FKBP15: variants seen among roughly 807,000 people sequenced by gnomAD.
FKBP15 encodes the protein FK506-binding protein 15.
FKBP15 carries 106 observed loss-of-function variants against 158.1 expected under a neutral mutation model. The observed-to-expected ratio is 0.67, with a 90% CI of 0.57 to 0.79. The LOEUF is 0.79. Among genes scored for constraint, FKBP15 ranks in the 30% least tolerant of loss-of-function variants. FKBP15 has a pLI of 0.00. For synonymous variants in FKBP15, 547 were observed against 548.6 expected (o/e 1.00, Z 0.04); for missense variants, 1,287 against 1,479.1 (o/e 0.87, Z 2.13).
At chr9:113,213,261 T>C (rs1831050456) in intron 1 of FKBP15, among the ~76,000 whole-genome samples, 1 of 151,920 alleles carries the variant, frequency 6.6e-6, no homozygotes, top group African/African-American at 2.4e-5. Flanking sequence ...GTACAAAAAT[T>C]AGCCGGGCGT....
intron 22 of FKBP15, 113 bp from the exon 23 acceptor site, chr9:113,173,718 T>C (rs968732649): frequency 2.6e-4 from 273 of 1,069,420 alleles, no homozygotes; most frequent in Middle Eastern, 1.3e-3. Context: ...ACAGCCCAGA[T>C]TTAACTGGGA....
chr9:113,215,776 A>G lies in FKBP15; in HGVS notation c.54-4184T>C, dbSNP rs140078134. Among the ~76,000 whole-genome samples the G allele has an allele frequency of 3.6e-3, 537 of 149,724 alleles. 7 individuals carry two copies. The highest frequency in any genetic ancestry group is 0.013 in the African/African-American group (512 of 40,560). On this transcript the variant is annotated intron_variant, in intron 1 of 27. Coordinates refer to ENST00000238256, the MANE Select transcript of FKBP15 (RefSeq NM_015258.2). Reference sequence around the variant, plus strand: ...GCGATTCACATGCCTCAGCCTCCCAAATTGCTAGGATTACAGGCGTGCATC... The same window carrying G: ...GCGATTCACATGCCTCAGCCTCCCAGATTGCTAGGATTACAGGCGTGCATC...
intron 20 of FKBP15, among the ~76,000 whole-genome samples, 198 bp downstream of exon 20, chr9:113,178,432 T>G (rs956894904): frequency 1.3e-5 from 2 of 152,194 alleles, no homozygotes; most frequent in Non-Finnish European, 2.9e-5. Flanking sequence ...CACTGATCAA[T>G]TCCACATGAA....
At chr9:113,203,092 G>GGCAATATAAAATCA (rs111549671) in intron 4 of FKBP15, 57 bp from the exon 5 acceptor site, 1 of 1,203,050 alleles carries the variant, frequency 8.3e-7, no homozygotes, top group East Asian at 2.4e-5. Flanking sequence ...GAAGTTAAAA[G>GGCAATATAAAATCA]GCAATATAAA....
chr9:113,206,661 G>A (rs1160697140), intron 3 of FKBP15, 83 bp from the exon 4 acceptor site: 1 of 728,014 alleles, frequency 1.4e-6, no homozygotes, highest in East Asian at 2.5e-5. Context: ...TACAGAAGTG[G>A]GAACAACAGT....
At chr9:113,169,194 G>A (rs1331277891) in intron 26 of FKBP15, 30 bp downstream of exon 26, 1 of 1,588,416 alleles carries the variant, frequency 6.3e-7, no homozygotes, top group Admixed American at 1.7e-5. Flanking sequence ...TAACTACCCT[G>A]TCCCTGAAGC....
At position 113,215,372 on chromosome 9, in the gene FKBP15, A is replaced by T. The variant is rs531769335; in HGVS notation, c.54-3780T>A. Among the ~76,000 whole-genome samples the T allele has an allele frequency of 1.4e-4, 14 of 99,858 alleles. 1 individual carries two copies. The East Asian group carries it at 2.3e-3, about 16-fold the overall frequency. The allele number at this position is 99,858 out of a possible 152,430, so 65.5% of individuals were successfully genotyped here. On this transcript the variant is annotated intron_variant, in intron 1 of 27. Coordinates refer to ENST00000238256, the MANE Select transcript of FKBP15 (RefSeq NM_015258.2). ...AGTATAGGTAGGCTCAAGAAGAGAT[A>T]AAAAAAAAAAAAATAGAGAACTGCC...
chr9:113,183,843 T>C lies in FKBP15; in HGVS notation c.1719A>G (p.Glu573=). The change falls in exon 18 of 28, where the codon GAA becomes GAG. Residue 573 remains glutamate (E), a splice_region_variant and synonymous_variant. Coordinates refer to ENST00000238256, the MANE Select transcript of FKBP15 (RefSeq NM_015258.2). ...IMSNIQRIIQ[E]NERLKQEILE... ...GGATCTCTTGCTTCAATCTTTCATT[T>C]TCCTAATTTCAAAATATATGATGTA... 1 of 1,609,842 alleles carries C rather than the reference T, an allele frequency of 6.2e-7. No individual in the cohort carries two copies. Among genetic ancestry groups the C allele is most frequent in the Non-Finnish European group, 8.5e-7 (1 of 1,176,524 alleles).
chr9:113,220,778 C>T (rs1258021203), intron 1 of FKBP15, among the ~76,000 whole-genome samples: 1 of 152,176 alleles, frequency 6.6e-6, no homozygotes, highest in African/African-American at 2.4e-5. Flanking sequence ...CCGAGCTGGG[C>T]CTTGAAGAAT....
At position 113,166,131 on chromosome 9, in the gene FKBP15, T is replaced by G. The variant is rs531828583; in HGVS notation, c.3607A>C (p.Thr1203Pro). 1.2e-6 allele frequency: 2 copies of G among 1,613,346 alleles called. No homozygotes were observed. The highest frequency in any genetic ancestry group is 2.7e-5 in the African/African-American group (2 of 74,880). The change falls in exon 28 of 28, where the codon ACG becomes CCG. Residue 1203 changes from threonine (T) to proline (P), a missense_variant. Coordinates refer to ENST00000238256, the MANE Select transcript of FKBP15 (RefSeq NM_015258.2). ...TCATCATCATCTCCAAAAAGGGGCG[T>G]TGGGGGCGGGCGTCCCTTCATGCTC... ...EVSMKGRPPP[T>P]PLFGDDDDDD... is the part of the protein sequence containing the mutation.
chr9:113,188,034 G>T (rs945421571), intron 13 of FKBP15, 135 bp from the exon 14 acceptor site: 1 of 692,044 alleles, frequency 1.4e-6, no homozygotes, highest in Non-Finnish European at 2.5e-6. Context: ...CAGCTCTACT[G>T]CAATCTCAGG....
rs1164710751 is a variant in FKBP15, at chr9:113,175,064, G to GA, written c.2224-482dup. ...GGCGACAGAGCGAGACTCCGCCTCA[G>GA]AAAAAAAAAAAAAAAAAAAAAAAAA... On this transcript the variant is annotated intron_variant, in intron 21 of 27. Coordinates refer to ENST00000238256, the MANE Select transcript of FKBP15 (RefSeq NM_015258.2). Among the ~76,000 whole-genome samples, 8 of 1,732 alleles carry GA rather than the reference G, an allele frequency of 4.6e-3. 3 individuals are homozygous for GA. The highest frequency in any genetic ancestry group is 0.077 in the East Asian group (2 of 26). 1.1% of individuals were successfully genotyped at this position (1,732 alleles called of 152,430 possible).
Position 113,202,893 on chromosome 9 carries a change from A to T in FKBP15, c.399+68T>A, listed in dbSNP as rs190089606. 2.4e-5 allele frequency: 30 copies of T among 1,267,456 alleles called. No homozygotes were observed. The Admixed American group carries it at 5.6e-4, about 24-fold the overall frequency. 78.5% of individuals were successfully genotyped at this position (1,267,456 alleles called of 1,614,324 possible). A position where few individuals can be genotyped will look rare whatever the true frequency, so the allele number is the denominator to read the frequency against. ...AGTGGATCTAATTTCTATTAGGTAC[A>T]ATCAGACCAGTCTCTCCTGTAAACC... On this transcript the variant is annotated intron_variant, in intron 5 of 27. Transcript: ENST00000238256.
intron 27 of FKBP15, among the ~76,000 whole-genome samples, chr9:113,167,562 A>G (rs926169437): frequency 6.6e-6 from 1 of 152,210 alleles, no homozygotes; most frequent in South Asian, 2.1e-4. Context: ...GCTCCGATAC[A>G]TGCAAGCTGG....
intron 27 of FKBP15, 81 bp from the exon 28 acceptor site, chr9:113,166,236 A>G: frequency 7.8e-7 from 1 of 1,275,282 alleles, no homozygotes; most frequent in Non-Finnish European, 1.1e-6. Flanking sequence ...AAGCAATCCA[A>G]CTTCTGTTCC....
At chr9:113,214,079 T>G (rs1367906059) in intron 1 of FKBP15, among the ~76,000 whole-genome samples, 1 of 152,242 alleles carries the variant, frequency 6.6e-6, no homozygotes, top group South Asian at 2.1e-4. Flanking sequence ...ACTACAGGCA[T>G]GCACCACCAC....
Position 113,186,321 on chromosome 9 carries a change from C to A in FKBP15, c.1426G>T (p.Ala476Ser). The change falls in exon 15 of 28, where the codon GCC (alanine) becomes TCC (serine). Residue 476 changes from alanine to serine, a missense_variant. Transcript: ENST00000238256. ...MQAYAYPQAS[A>S]VTSQLQPVRP... is the part of the protein sequence containing the mutation. ...ACGGGCTGCAGCTGGGAGGTGACGGCAGATGCCTGGGGATAAGCGTAGGCT... is the reference window on the plus strand; with the variant it reads ...ACGGGCTGCAGCTGGGAGGTGACGGAAGATGCCTGGGGATAAGCGTAGGCT... 1 of 1,570,060 alleles carries A rather than the reference C, an allele frequency of 6.4e-7. No homozygotes were observed. Among genetic ancestry groups the A allele is most frequent in the South Asian group, 1.2e-5 (1 of 85,172 alleles).
At position 113,170,566 on chromosome 9, in the gene FKBP15, A is replaced by G; in HGVS notation, c.2722T>C (p.Tyr908His). ...GTTCCCAGAATGGTCCTGCCATTGTAAGATTCCTCCAGCTCAAACTCTCTC... is the reference window on the plus strand; with the variant it reads ...GTTCCCAGAATGGTCCTGCCATTGTGAGATTCCTCCAGCTCAAACTCTCTC... ...LRREFELEES[Y>H]NGRTILGTIM... The change falls in exon 25 of 28, where the codon TAC becomes CAC. Residue 908 changes from tyrosine to histidine, a missense_variant. Transcript: ENST00000238256. The G allele has an allele frequency of 6.2e-7, 1 of 1,613,980 alleles. No homozygotes were observed. Among genetic ancestry groups the G allele is most frequent in the Non-Finnish European group, 8.5e-7 (1 of 1,179,820 alleles).
intron 9 of FKBP15, among the ~76,000 whole-genome samples, chr9:113,194,570 C>G (rs7021999): frequency 0.33 from 50,594 of 151,696 alleles, 8,690 homozygotes; most frequent in African/African-American, 0.38. Flanking sequence ...GTAGGCAAAT[C>G]AGAAAATGTA....
Sources: gnomAD v4.1 joint callset for allele counts (sites outside exome capture counted in the v4.1 genomes callset) on GRCh38, gnomAD v4.1.1 for gene constraint, MANE v1.5 for transcripts, NCBI Gene and HGNC (gene_info 2026-07-23, HGNC 2026-07-21) for gene names.